FBXL17: variants seen among roughly 807,000 people sequenced by gnomAD.
FBXL17 encodes F-box/LRR-repeat protein 17.
In FBXL17, 22 loss-of-function variants were observed where a neutral mutation model predicts 66.2. That is an observed-to-expected ratio of 0.33 (90% CI 0.24 to 0.47). FBXL17 has a LOEUF of 0.47. Ranked by LOEUF, FBXL17 falls within the 20% of genes least tolerant of loss-of-function variation. FBXL17 has a pLI of 1.00. For synonymous variants in FBXL17, 474 were observed against 400.5 expected (o/e 1.18, Z -2.19); for missense variants, 878 against 948.2 (o/e 0.93, Z 0.97).
chr5:108,215,384 CTTTT>C (rs1260237653), intron 5 of FBXL17, among the ~76,000 whole-genome samples: 1 of 152,168 alleles, frequency 6.6e-6, no homozygotes, highest in Non-Finnish European at 1.5e-5. Flanking sequence ...CTGTTGTCCA[CTTTT>C]TTTATTACAA....
chr5:108,357,722 GT>G (rs35941487), intron 3 of FBXL17, among the ~76,000 whole-genome samples: 20 of 145,288 alleles, frequency 1.4e-4, no homozygotes, highest in African/African-American at 2.4e-4. Flanking sequence ...TAAATAACAC[GT>G]TTTTTTTTTA....
intron 4 of FBXL17, among the ~76,000 whole-genome samples, chr5:108,264,584 T>C (rs1756970663): frequency 6.6e-6 from 1 of 152,144 alleles, no homozygotes; most frequent in East Asian, 1.9e-4. Context: ...TGAAAATAGA[T>C]TTCAATTAAA....
At chr5:108,061,278 A>G (rs528239085) in intron 6 of FBXL17, among the ~76,000 whole-genome samples, 1 of 150,786 alleles carries the variant, frequency 6.6e-6, no homozygotes, top group Non-Finnish European at 1.5e-5. Flanking sequence ...CAAGAGCCAA[A>G]CCCCATACAA....
At chr5:108,202,880 G>A (rs1236568035) in intron 5 of FBXL17, among the ~76,000 whole-genome samples, 1 of 152,046 alleles carries the variant, frequency 6.6e-6, no homozygotes, top group African/African-American at 2.4e-5. Context: ...TATAGTACGA[G>A]TTTTTTAAAT....
At chr5:108,298,995 CT>C in intron 4 of FBXL17, 1 of 975,232 alleles carries the variant, frequency 1.0e-6, no homozygotes, top group Non-Finnish European at 1.2e-6. Flanking sequence ...GAGTATAACA[CT>C]TTTTCCTCTA....
chr5:107,895,199 C>G (rs1016138520), intron 7 of FBXL17, among the ~76,000 whole-genome samples: 1 of 151,956 alleles, frequency 6.6e-6, no homozygotes, highest in Admixed American at 6.6e-5. Context: ...TAGATACTAC[C>G]TTTAAGAATT....
At chr5:108,173,674 C>T (rs556426851) in intron 6 of FBXL17, among the ~76,000 whole-genome samples, 42 of 152,256 alleles carry the variant, frequency 2.8e-4, no homozygotes, top group African/African-American at 9.1e-4. Flanking sequence ...GTAAGAATTG[C>T]TTCTATGGAA....
chr5:108,255,198 T>C (rs1019131820), intron 4 of FBXL17, among the ~76,000 whole-genome samples: 2 of 152,160 alleles, frequency 1.3e-5, no homozygotes, highest in Non-Finnish European at 2.9e-5. Context: ...AACATTAAGA[T>C]AGACCATAAT....
chr5:107,946,077 T>C (rs944029979), intron 7 of FBXL17, among the ~76,000 whole-genome samples: 7 of 151,240 alleles, frequency 4.6e-5, no homozygotes, highest in Non-Finnish European at 7.4e-5. Flanking sequence ...ACCACTTTCC[T>C]ATTTGAAAAT....
intron 4 of FBXL17, among the ~76,000 whole-genome samples, chr5:108,302,944 C>G (rs548196515): frequency 6.6e-6 from 1 of 151,880 alleles, no homozygotes; most frequent in East Asian, 1.9e-4. Context: ...ACGTTCACTT[C>G]CTAAGTAGAG....
At position 108,381,432 on chromosome 5, in the gene FBXL17, C is replaced by CGCGGCGGCGGCGAGA. The variant is rs1554097070; in HGVS notation, c.245_259dup (p.Leu82_Pro86dup). 69 of 1,315,800 alleles carry CGCGGCGGCGGCGAGA rather than the reference C, an allele frequency of 5.2e-5. No individual in the cohort carries two copies. The Middle Eastern group carries it at 1.4e-3, about 27-fold the overall frequency. The allele number at this position is 1,315,800 out of a possible 1,614,324, so 81.5% of individuals were successfully genotyped here. A position where few individuals can be genotyped will look rare whatever the true frequency, so the allele number is the denominator to read the frequency against. On this transcript the variant is annotated inframe_insertion, in exon 1 of 9. Transcript: ENST00000542267. ...GGAGGCGGCAGCGTAGGCCCCGTCC[C>CGCGGCGGCGGCGAGA]GCGGCGGCGGCGAGAGCGGCGGCTC...
At chr5:108,186,037 A>C in intron 6 of FBXL17, 80 bp downstream of exon 6, 1 of 1,146,106 alleles carries the variant, frequency 8.7e-7, no homozygotes, top group Non-Finnish European at 1.3e-6. Flanking sequence ...TTTTAGTTAT[A>C]GACATGCCTT....
intron 7 of FBXL17, among the ~76,000 whole-genome samples, chr5:107,954,189 T>C (rs547559623): frequency 1.3e-5 from 2 of 152,342 alleles, no homozygotes; most frequent in East Asian, 3.9e-4. Flanking sequence ...GAACATTTTA[T>C]TTAATATACT....
intron 5 of FBXL17, among the ~76,000 whole-genome samples, chr5:108,193,995 C>T (rs1003133243): frequency 2.6e-5 from 4 of 152,102 alleles, no homozygotes; most frequent in African/African-American, 9.7e-5. Context: ...CCTTCTAACT[C>T]CTTTTTGCCA....
In FBXL17 at chr5:107,984,104, C is replaced by T. The variant is rs530529197; in HGVS notation, c.1822+36821G>A. ...AGGCAGACTATCTAGTGAGCAAGCTCGGCCTTGGGGATTTCTACTGGTAAG... is the reference window on the plus strand; with the variant it reads ...AGGCAGACTATCTAGTGAGCAAGCTTGGCCTTGGGGATTTCTACTGGTAAG... On this transcript the variant is annotated intron_variant, in intron 7 of 8. Transcript: ENST00000542267. Among the ~76,000 whole-genome samples, 9 of 152,196 alleles carry T rather than the reference C, an allele frequency of 5.9e-5. No homozygotes were observed. In the South Asian group the frequency reaches 1.2e-3, roughly 21 times the overall value.
At chr5:108,252,092 C>T (rs374268246) in intron 4 of FBXL17, among the ~76,000 whole-genome samples, 8 of 152,142 alleles carry the variant, frequency 5.3e-5, no homozygotes, top group African/African-American at 9.6e-5. Flanking sequence ...TGAGTCTTAA[C>T]GAAGCTTTTG....
chr5:108,294,066 A>AAG (rs1758238193), intron 4 of FBXL17, among the ~76,000 whole-genome samples: 1 of 145,704 alleles, frequency 6.9e-6, no homozygotes, highest in Admixed American at 6.8e-5. Context: ...AAAAAAAAAA[A>AAG]GGAGAAGTAA....
In FBXL17 at chr5:108,335,730, A is replaced by G. The variant is rs188252134; in HGVS notation, c.1506+12669T>C. Reference sequence around the variant, plus strand: ...ATACTGATCAGCAATTAGCATAATTATATTCTTAAAAAAACCCTGTTTTTG... The same window carrying G: ...ATACTGATCAGCAATTAGCATAATTGTATTCTTAAAAAAACCCTGTTTTTG... On this transcript the variant is annotated intron_variant, in intron 4 of 8. Coordinates refer to ENST00000542267, the MANE Select transcript of FBXL17 (RefSeq NM_001163315.3). Among the ~76,000 whole-genome samples, 45 of 152,326 alleles carry G rather than the reference A, an allele frequency of 3.0e-4. No homozygotes were observed. In the South Asian group the frequency reaches 7.5e-3, roughly 25 times the overall value.
At position 108,167,784 on chromosome 5, in the gene FBXL17, T is replaced by C. The variant is rs144443820; in HGVS notation, c.1745+18333A>G. ...GATTTAAGAAAGTGAAGAAGATCCA[T>C]ATTAAAGGGGAAATAAATAACCTGA... is the stretch of plus-strand genomic sequence containing the variant. On this transcript the variant is annotated intron_variant, in intron 6 of 8. Coordinates refer to ENST00000542267, the MANE Select transcript of FBXL17 (RefSeq NM_001163315.3). Among the ~76,000 whole-genome samples the C allele has an allele frequency of 4.6e-3, 699 of 152,122 alleles. 5 individuals carry two copies. The highest frequency in any genetic ancestry group is 0.016 in the African/African-American group (668 of 41,510).
Sources: gnomAD v4.1 joint callset for allele counts (sites outside exome capture counted in the v4.1 genomes callset) on GRCh38, gnomAD v4.1.1 for gene constraint, MANE v1.5 for transcripts, NCBI Gene and HGNC (gene_info 2026-07-23, HGNC 2026-07-21) for gene names.